The following ERG variants were observed in gnomAD, a reference collection of about 807,000 sequenced individuals.
ERG encodes ETS transcription factor ERG.
In ERG, 9 loss-of-function variants were observed where a neutral mutation model predicts 55.3. The observed-to-expected ratio is 0.16, with a 90% CI of 0.10 to 0.28. The LOEUF is 0.28. Ranked by LOEUF, ERG falls within the 10% of genes least tolerant of loss-of-function variation. The pLI is 1.00. For synonymous variants in ERG, 223 were observed against 237.3 expected (o/e 0.94, Z 0.55); for missense variants, 434 against 631.6 (o/e 0.69, Z 3.35).
intron 2 of ERG, among the ~76,000 whole-genome samples, chr21:38,546,416 C>A (rs987514334): frequency 6.6e-6 from 1 of 152,116 alleles, no homozygotes; most frequent in Non-Finnish European, 1.5e-5. Flanking sequence ...CCTTCTTGTG[C>A]GGGTGTATGC....
At chr21:38,555,449 TA>T (rs1394372253) in intron 2 of ERG, among the ~76,000 whole-genome samples, 1 of 152,116 alleles carries the variant, frequency 6.6e-6, no homozygotes, top group African/African-American at 2.4e-5. Context: ...TATTATTTAA[TA>T]GAAAAATTTC....
intron 2 of ERG, among the ~76,000 whole-genome samples, chr21:38,569,278 G>C (rs1443070667): frequency 6.6e-6 from 1 of 152,214 alleles, no homozygotes; most frequent in Non-Finnish European, 1.5e-5. Flanking sequence ...TCGCAAAAGG[G>C]TGCGGTGGAA....
In ERG at chr21:38,490,636, C is replaced by T. The variant is rs144269975; in HGVS notation, c.18+7727G>A. ...GGGGCACTGCTGTTAGCTCCCCCTGCGTCCTGGCAGCAGCACAGTCAGCAG... is the reference window on the plus strand; with the variant it reads ...GGGGCACTGCTGTTAGCTCCCCCTGTGTCCTGGCAGCAGCACAGTCAGCAG... On this transcript the variant is annotated intron_variant, in intron 1 of 9. Coordinates refer to ENST00000288319, the MANE Select transcript of ERG (RefSeq NM_182918.4). 3.4e-3 allele frequency among the ~76,000 whole-genome samples: 524 copies of T among 152,336 alleles called. 4 individuals are homozygous for T. Among genetic ancestry groups the T allele is most frequent in the African/African-American group, 8.1e-3 (338 of 41,580 alleles).
chr21:38,554,582 A>T (rs764218147), intron 2 of ERG, among the ~76,000 whole-genome samples: 54 of 152,306 alleles, frequency 3.5e-4, no homozygotes, highest in Non-Finnish European at 6.8e-4. Flanking sequence ...CGGAAAACCA[A>T]ATACCACATG....
At position 38,380,833 on chromosome 21, in the gene ERG, G is replaced by C; in HGVS notation, c.*2570C>G. The C allele has an allele frequency of 1.0e-5, 11 of 1,064,764 alleles. No individual in the cohort carries two copies. Among genetic ancestry groups the C allele is most frequent in the Non-Finnish European group, 1.3e-5 (11 of 878,994 alleles). The allele number at this position is 1,064,764 out of a possible 1,614,324, so 66.0% of individuals were successfully genotyped here. A position where few individuals can be genotyped will look rare whatever the true frequency, so the allele number is the denominator to read the frequency against. ...AATCATGTCTTGTTTTTATGATCTT[G>C]CTCATGAGACAGTCTTGAAGAGAGA... On this transcript the variant is annotated 3_prime_UTR_variant, in exon 10 of 10. Coordinates refer to ENST00000288319, the MANE Select transcript of ERG (RefSeq NM_182918.4).
At chr21:38,597,522 G>GGGA (rs1309008530) in intron 1 of ERG, among the ~76,000 whole-genome samples, 1 of 150,246 alleles carries the variant, frequency 6.7e-6, no homozygotes, top group Non-Finnish European at 1.5e-5. Flanking sequence ...AAGAGAGAGA[G>GGGA]GGAGAAAGAT....
intron 6 of ERG, among the ~76,000 whole-genome samples, chr21:38,394,758 T>G (rs1017537662): frequency 6.6e-6 from 1 of 152,200 alleles, no homozygotes; most frequent in African/African-American, 2.4e-5. Flanking sequence ...TTCCTGCAGA[T>G]GATTTCAGAA....
chr21:38,388,492 A>T (rs1037448276), intron 9 of ERG, among the ~76,000 whole-genome samples: 1 of 152,254 alleles, frequency 6.6e-6, no homozygotes, highest in African/African-American at 2.4e-5. Context: ...GTGATGAAAG[A>T]TTTATTTATC....
chr21:38,454,847 G>A (rs533740763), intron 1 of ERG, among the ~76,000 whole-genome samples: 12 of 152,286 alleles, frequency 7.9e-5, no homozygotes, highest in African/African-American at 2.9e-4. Flanking sequence ...GAGGGGAAGG[G>A]AGATCTAGCA....
At chr21:38,470,547 TG>T (rs1323336570) in intron 1 of ERG, among the ~76,000 whole-genome samples, 1 of 151,912 alleles carries the variant, frequency 6.6e-6, no homozygotes, top group Non-Finnish European at 1.5e-5. Flanking sequence ...AAATACATAT[TG>T]ACCATCTACA....
chr21:38,510,744 C>G (rs1292090398), intron 2 of ERG, among the ~76,000 whole-genome samples: 1 of 152,194 alleles, frequency 6.6e-6, no homozygotes, highest in Non-Finnish European at 1.5e-5. Context: ...TTTTAACCAC[C>G]TAATTTTTTT....
chr21:38,382,802 T>A lies in ERG; in HGVS notation c.*601A>T. Reference sequence around the variant, plus strand: ...CTGTAAAGGAGTTGGAAACTTTGGGTCATCTTCACAGTTTGAGAAAGCTGA... The same window carrying A: ...CTGTAAAGGAGTTGGAAACTTTGGGACATCTTCACAGTTTGAGAAAGCTGA... On this transcript the variant is annotated 3_prime_UTR_variant, in exon 10 of 10. Coordinates refer to ENST00000288319, the MANE Select transcript of ERG (RefSeq NM_182918.4). 1 of 1,066,260 alleles carries A rather than the reference T, an allele frequency of 9.4e-7. No homozygotes were observed. Among genetic ancestry groups the A allele is most frequent in the Non-Finnish European group, 1.1e-6 (1 of 879,584 alleles). The allele number at this position is 1,066,260 out of a possible 1,614,324, so 66.0% of individuals were successfully genotyped here. A position where few individuals can be genotyped will look rare whatever the true frequency, so the allele number is the denominator to read the frequency against.
chr21:38,521,909 T>C (rs2059597792), intron 2 of ERG, among the ~76,000 whole-genome samples: 1 of 152,212 alleles, frequency 6.6e-6, no homozygotes, highest in Admixed American at 6.5e-5. Context: ...ATTTGCAACT[T>C]ATGGCTTGCA....
intron 1 of ERG, among the ~76,000 whole-genome samples, chr21:38,601,654 T>G (rs1164985957): frequency 6.6e-6 from 1 of 152,140 alleles, no homozygotes; most frequent in Non-Finnish European, 1.5e-5. Flanking sequence ...CCATGAGTGT[T>G]ACACTCCAAG....
At position 38,556,279 on chromosome 21, in the gene ERG, G is replaced by A. The variant is rs1167418350; in HGVS notation, c.-41+19383C>T. Among the ~76,000 whole-genome samples the A allele has an allele frequency of 7.2e-5, 11 of 152,084 alleles. No individual in the cohort carries two copies. The South Asian group carries it at 1.9e-3, about 26-fold the overall frequency. ...TGGAAAAATAGACTGGAAATATAAC[G>A]ATTAAAATGTTAATTGTATCTGGGT... is the stretch of plus-strand genomic sequence containing the variant. On this transcript the variant is annotated intron_variant, in intron 2 of 8. Coordinates refer to the ERG transcript ENST00000398897.
At position 38,545,806 on chromosome 21, in the gene ERG, C is replaced by A. The variant is rs557515824; in HGVS notation, c.-41+29856G>T. The stretch of plus-strand genomic sequence containing the variant: ...CCACATCCAATCCCAAAGAAACTGT[C>A]CCCTTGCCCAGTGGTCTTCAAAACC... On this transcript the variant is annotated intron_variant, in intron 2 of 8. Coordinates refer to the ERG transcript ENST00000398897. 2.0e-5 allele frequency among the ~76,000 whole-genome samples: 3 copies of A among 152,296 alleles called. No homozygotes were observed. The East Asian group carries it at 5.8e-4, about 29-fold the overall frequency.
intron 2 of ERG, among the ~76,000 whole-genome samples, chr21:38,552,789 CT>C (rs746586194): frequency 2.0e-5 from 3 of 151,496 alleles, no homozygotes; most frequent in East Asian, 1.9e-4. Context: ...GATGCCCACT[CT>C]CACCACTCTT....
chr21:38,634,052 A>C (rs2060373431), intron 1 of ERG, among the ~76,000 whole-genome samples: 1 of 152,172 alleles, frequency 6.6e-6, no homozygotes, highest in Non-Finnish European at 1.5e-5. Flanking sequence ...ATACGTCCAC[A>C]AAAATAAAAC....
chr21:38,550,669 T>C (rs1397305626), intron 2 of ERG, among the ~76,000 whole-genome samples: 1 of 152,228 alleles, frequency 6.6e-6, no homozygotes, highest in African/African-American at 2.4e-5. Context: ...GTTGTTTATA[T>C]GCCACTCAAT....
Sources: gnomAD v4.1 joint callset for allele counts (sites outside exome capture counted in the v4.1 genomes callset) on GRCh38, gnomAD v4.1.1 for gene constraint, MANE v1.5 for transcripts, NCBI Gene and HGNC (gene_info 2026-07-23, HGNC 2026-07-21) for gene names.